The following ATP10D variants were observed in gnomAD, a reference collection of about 807,000 sequenced individuals.
ATP10D encodes ATPase phospholipid transporting 10D (putative).
In ATP10D, 89 loss-of-function variants were observed where a neutral mutation model predicts 144.8. The observed-to-expected ratio is 0.61, with a 90% CI of 0.52 to 0.73. ATP10D has a LOEUF of 0.73. ATP10D is among the 30% of genes least tolerant of loss of function. ATP10D has a pLI of 0.00. For missense variants in ATP10D, 1,603 were observed against 1,714.8 expected (o/e 0.93, Z 1.15); for synonymous variants, 571 against 615.1 (o/e 0.93, Z 1.06).
intron 1 of ATP10D, among the ~76,000 whole-genome samples, chr4:47,494,918 G>C (rs866650564): frequency 6.6e-6 from 1 of 152,138 alleles, no homozygotes; most frequent in Non-Finnish European, 1.5e-5. Flanking sequence ...TTTTCAGAAA[G>C]AAGAGTCTCC....
intron 18 of ATP10D, among the ~76,000 whole-genome samples, chr4:47,574,912 C>A (rs529888058): frequency 1.3e-5 from 2 of 152,174 alleles, no homozygotes; most frequent in African/African-American, 4.8e-5. Flanking sequence ...GCTAACCTCC[C>A]GCCTCAGCCT....
At chr4:47,569,182 C>A (rs751158185) in intron 16 of ATP10D, 36 bp downstream of exon 16, 9 of 1,588,018 alleles carry the variant, frequency 5.7e-6, no homozygotes, top group Non-Finnish European at 7.7e-6. Flanking sequence ...GCTCTTCTCC[C>A]TTTCACACCA....
intron 1 of ATP10D, among the ~76,000 whole-genome samples, chr4:47,500,102 T>G (rs1715605776): frequency 6.6e-6 from 1 of 152,266 alleles, no homozygotes; most frequent in Non-Finnish European, 1.5e-5. Flanking sequence ...TACTCATTCA[T>G]TCTTGGGTTC....
intron 4 of ATP10D, among the ~76,000 whole-genome samples, chr4:47,524,351 C>T (rs1268056446): frequency 6.6e-6 from 1 of 151,976 alleles, no homozygotes; most frequent in Admixed American, 6.6e-5. Context: ...TCATATTGGG[C>T]CCACCTCTCT....
At chr4:47,575,845 G>A (rs1577701813) in intron 18 of ATP10D, among the ~76,000 whole-genome samples, 1 of 151,964 alleles carries the variant, frequency 6.6e-6, no homozygotes, top group African/African-American at 2.4e-5. Flanking sequence ...GTTCTGGTGC[G>A]GGTTTTCTTC....
At chr4:47,509,944 GT>G (rs1318252638) in intron 1 of ATP10D, among the ~76,000 whole-genome samples, 7 of 3,390 alleles carry the variant, frequency 2.1e-3, no homozygotes, top group South Asian at 3.4e-3. Context: ...TGTTTCAGGG[GT>G]GTGTGTGTGT....
At chr4:47,539,992 G>A (rs1055491071) in intron 9 of ATP10D, among the ~76,000 whole-genome samples, 7 of 152,108 alleles carry the variant, frequency 4.6e-5, no homozygotes, top group African/African-American at 7.2e-5. Flanking sequence ...CTACCTGTTT[G>A]GGAACCAAAG....
rs751940328 is a variant in ATP10D at position 47,554,778 on chromosome 4, C to G, written c.1688C>G (p.Thr563Arg). 6.2e-7 allele frequency: 1 copy of G among 1,614,072 alleles called. No individual in the cohort carries two copies. The highest frequency in any genetic ancestry group is 8.5e-7 in the Non-Finnish European group (1 of 1,179,966). Residue 563 changes from threonine (T) to arginine (R), a missense_variant, in exon 11 of 23, where the codon ACA (threonine) becomes AGA (arginine). By Grantham distance (71) the Thr-to-Arg change is moderately conservative. Coordinates refer to ENST00000273859, the MANE Select transcript of ATP10D (RefSeq NM_020453.4). ...TRLLDKFSQI[T>R]PRLFMPLDET... ...CTTTTAGACAAATTTAGTCAGATTA[C>G]ACCTCGGCTCTTTATGCCACTAGAT...
intron 2 of ATP10D, among the ~76,000 whole-genome samples, chr4:47,513,455 C>T (rs1716471204): frequency 6.6e-6 from 1 of 152,038 alleles, no homozygotes; most frequent in Non-Finnish European, 1.5e-5. Context: ...AAAGGGCTGT[C>T]AAATAGAATG....
intron 5 of ATP10D, 130 bp from the exon 6 acceptor site, chr4:47,535,379 A>T: frequency 1.5e-6 from 1 of 652,706 alleles, no homozygotes; most frequent in Non-Finnish European, 2.5e-6. Context: ...TAAATGGGCC[A>T]GAGATTTGAA....
In ATP10D at chr4:47,523,200, G is replaced by A. The variant is rs559976209; in HGVS notation, c.674G>A (p.Arg225Gln). The A allele has an allele frequency of 1.1e-5, 17 of 1,613,902 alleles. No homozygotes were observed. Among genetic ancestry groups the A allele is most frequent in the Middle Eastern group, 1.7e-4 (1 of 6,050 alleles). Residue 225 changes from arginine (R) to glutamine (Q), a missense_variant, in exon 4 of 23, where the codon CGG (arginine) becomes CAG (glutamine). Transcript: ENST00000273859. Reference protein sequence around the residue: ...ESNLKQRQVVRGYAEQDSEVD... With the variant: ...ESNLKQRQVVQGYAEQDSEVD... The stretch of plus-strand genomic sequence containing the variant: ...AATTTAAAACAGAGGCAGGTGGTTC[G>A]GGGATATGCAGAACAGGTAAGTCAT...
intron 1 of ATP10D, among the ~76,000 whole-genome samples, chr4:47,502,147 T>A (rs1715715572): frequency 6.6e-6 from 1 of 152,174 alleles, no homozygotes; most frequent in Admixed American, 6.5e-5. Flanking sequence ...TAATTATTCA[T>A]AAACAGTGAA....
chr4:47,572,207 G>T lies in ATP10D; in HGVS notation c.3217G>T (p.Val1073Phe), dbSNP rs907291448. 1.9e-6 allele frequency: 3 copies of T among 1,613,948 alleles called. No homozygotes were observed. The highest frequency in any genetic ancestry group is 2.7e-5 in the African/African-American group (2 of 74,900). Reference protein sequence around the residue: ...MIQVADIGIGVSGQEGMQAVM... With the variant: ...MIQVADIGIGFSGQEGMQAVM... ...ACAAGTGGCAGACATTGGGATAGGG[G>T]TCTCAGGTCAAGAAGGCATGCAGGT... The change falls in exon 17 of 23, where the codon GTC becomes TTC. Residue 1073 changes from valine (V) to phenylalanine (F), a missense_variant. Coordinates refer to ENST00000273859, the MANE Select transcript of ATP10D (RefSeq NM_020453.4).
chr4:47,579,309 C>G (rs1332300671), intron 19 of ATP10D, among the ~76,000 whole-genome samples: 23 of 152,110 alleles, frequency 1.5e-4, no homozygotes, highest in Admixed American at 1.4e-3. Context: ...TGTTGGGCAC[C>G]TGGTATGTAC....
At chr4:47,546,590 C>G in intron 9 of ATP10D, 34 bp from the exon 10 acceptor site, 1 of 1,585,966 alleles carries the variant, frequency 6.3e-7, no homozygotes, top group Non-Finnish European at 8.7e-7. Flanking sequence ...TGGCTCTTCT[C>G]AGACATTGAC....
In ATP10D at chr4:47,512,500, C is replaced by T. The variant is rs1369163270; in HGVS notation, c.-37-4C>T. The T allele has an allele frequency of 6.5e-7, 1 of 1,539,586 alleles. No individual in the cohort carries two copies. Among genetic ancestry groups the T allele is most frequent in the Non-Finnish European group, 8.8e-7 (1 of 1,137,958 alleles). On this transcript the variant is annotated splice_region_variant and splice_polypyrimidine_tract_variant and intron_variant, in intron 1 of 22. Transcript: ENST00000273859. The stretch of plus-strand genomic sequence containing the variant: ...TGGAAGTGTGGTTTTTGTTTGTTTG[C>T]CAGGTCAGCTACACAACCTGGATCT...
At chr4:47,555,552 G>A in intron 11 of ATP10D, among the ~76,000 whole-genome samples, 1 of 152,104 alleles carries the variant, frequency 6.6e-6, no homozygotes, top group East Asian at 1.9e-4. Context: ...GGGGAGGTGG[G>A]ATTTGAACCT....
chr4:47,537,685 A>T lies in ATP10D; in HGVS notation c.1396+747A>T, dbSNP rs113581374. ...TTGTAAATTGTTTATTTTATTCAACAATGTCTTATGAAATTTTTCCTAAGT... is the reference window on the plus strand; with the variant it reads ...TTGTAAATTGTTTATTTTATTCAACTATGTCTTATGAAATTTTTCCTAAGT... On this transcript the variant is annotated intron_variant, in intron 9 of 22. Transcript: ENST00000273859. Among the ~76,000 whole-genome samples the T allele has an allele frequency of 3.9e-3, 590 of 152,282 alleles. 5 individuals are homozygous for T. The highest frequency in any genetic ancestry group is 0.014 in the African/African-American group (574 of 41,566).
chr4:47,560,853 C>T (rs1577685301), intron 13 of ATP10D, 96 bp from the exon 14 acceptor site: 1 of 1,468,648 alleles, frequency 6.8e-7, no homozygotes, highest in East Asian at 2.3e-5. Flanking sequence ...ATATGTAAAA[C>T]AAGTTGATGG....
Sources: gnomAD v4.1 joint callset for allele counts (sites outside exome capture counted in the v4.1 genomes callset) on GRCh38, gnomAD v4.1.1 for gene constraint, MANE v1.5 for transcripts, NCBI Gene and HGNC (gene_info 2026-07-23, HGNC 2026-07-21) for gene names.